The following PRELID2 variants were observed in gnomAD, a reference collection of about 807,000 sequenced individuals.
PRELID2 encodes the protein PRELI domain-containing protein 2.
A neutral mutation model predicts 28.4 loss-of-function variants in PRELID2; 25 were observed. That is an observed-to-expected ratio of 0.88 (90% CI 0.64 to 1.23). The LOEUF is 1.23. PRELID2 is among the 50% of genes most tolerant of loss of function. The probability of loss-of-function intolerance (pLI) is 0.00; values close to 1 mark genes in which losing one functional copy is unlikely to be tolerated. For missense variants in PRELID2, 201 were observed against 214.4 expected, an observed-to-expected ratio of 0.94 and a Z score of 0.39; for synonymous variants, 76 against 71.6, an observed-to-expected ratio of 1.06 and a Z score of -0.31.
intron 1 of PRELID2, among the ~76,000 whole-genome samples, chr5:145,548,027 T>G (rs1010031892): frequency 3.9e-5 from 6 of 152,154 alleles, no homozygotes; most frequent in African/African-American, 1.4e-4. Context: ...GTATAATGAC[T>G]CCCTTGCAGC....
At chr5:145,525,700 A>G (rs982439364) in intron 1 of PRELID2, among the ~76,000 whole-genome samples, 5 of 152,168 alleles carry the variant, frequency 3.3e-5, no homozygotes, top group Non-Finnish European at 7.3e-5. Context: ...GATTCGGTTT[A>G]CTCTCAATGA....
chr5:145,647,396 T>C (rs1373111700), intron 1 of PRELID2, among the ~76,000 whole-genome samples: 1 of 152,134 alleles, frequency 6.6e-6, no homozygotes, highest in South Asian at 2.1e-4. Context: ...CCCAGTTTGA[T>C]CTCAGACTGC....
chr5:145,565,046 C>T (rs563255111), intron 1 of PRELID2, among the ~76,000 whole-genome samples: 45 of 152,338 alleles, frequency 3.0e-4, no homozygotes, highest in African/African-American at 1.0e-3. Context: ...AGAAATCACC[C>T]GCCTTCTGTG....
chr5:145,344,818 A>G, the PRELID2 span, among the ~76,000 whole-genome samples: 1 of 152,086 alleles, frequency 6.6e-6, no homozygotes, highest in Non-Finnish European at 1.5e-5. Flanking sequence ...ATATTTATTA[A>G]GCACTTATGT....
At chr5:145,396,840 A>G in the PRELID2 span, among the ~76,000 whole-genome samples, 1 of 151,700 alleles carries the variant, frequency 6.6e-6, no homozygotes, top group Non-Finnish European at 1.5e-5. Context: ...TACTAAGGTG[A>G]AGAGAAGCAG....
At chr5:145,236,595 C>A in the PRELID2 span, among the ~76,000 whole-genome samples, 17 of 152,122 alleles carry the variant, frequency 1.1e-4, no homozygotes, top group African/African-American at 3.4e-4. Context: ...CTTATTTTCC[C>A]AAGTGCAGAA....
At chr5:145,263,465 ATAAAT>A in the PRELID2 span, among the ~76,000 whole-genome samples, 14 of 149,976 alleles carry the variant, frequency 9.3e-5, no homozygotes, top group Admixed American at 9.2e-4. Flanking sequence ...ATTTAAGAAA[ATAAAT>A]TAAAACAAAA....
chr5:145,252,954 A>AT, the PRELID2 span, among the ~76,000 whole-genome samples: 1 of 152,286 alleles, frequency 6.6e-6, no homozygotes, highest in African/African-American at 2.4e-5. Context: ...TTTAAAAAAC[A>AT]TTTTTTGAGG....
At chr5:145,610,492 G>C (rs1753598263) in intron 1 of PRELID2, among the ~76,000 whole-genome samples, 1 of 151,972 alleles carries the variant, frequency 6.6e-6, no homozygotes, top group Non-Finnish European at 1.5e-5. Flanking sequence ...TTCAAAATAA[G>C]TATGTAGAAC....
At chr5:145,344,239 G>C in the PRELID2 span, among the ~76,000 whole-genome samples, 1 of 151,916 alleles carries the variant, frequency 6.6e-6, no homozygotes, top group Non-Finnish European at 1.5e-5. Context: ...GATGAATATA[G>C]ATGCAAAAAT....
chr5:145,622,958 G>T (rs184891674), intron 1 of PRELID2, among the ~76,000 whole-genome samples: 1 of 151,588 alleles, frequency 6.6e-6, no homozygotes, highest in Admixed American at 6.6e-5. Flanking sequence ...AGTAATAAAA[G>T]GTTAAATCAC....
chr5:145,269,223 C>A, the PRELID2 span, among the ~76,000 whole-genome samples: 1 of 152,118 alleles, frequency 6.6e-6, no homozygotes, highest in African/African-American at 2.4e-5. Flanking sequence ...CCAAAGAATT[C>A]TTTAAAATAA....
chr5:145,741,417 A>AAATT (rs1756736046), intron 1 of PRELID2, among the ~76,000 whole-genome samples: 2 of 112,718 alleles, frequency 1.8e-5, no homozygotes, highest in Non-Finnish European at 3.3e-5. Flanking sequence ...ATTTATTTAT[A>AAATT]ATTTATTTAT....
At chr5:145,315,700 A>T in the PRELID2 span, among the ~76,000 whole-genome samples, 1 of 152,108 alleles carries the variant, frequency 6.6e-6, no homozygotes, top group East Asian at 1.9e-4. Flanking sequence ...GAAACAATGA[A>T]GATACTAATG....
chr5:145,384,743 G>A, the PRELID2 span, among the ~76,000 whole-genome samples: 16 of 152,116 alleles, frequency 1.1e-4, no homozygotes, highest in African/African-American at 3.4e-4. Flanking sequence ...GGTGAAGTAG[G>A]ATTTTGCATG....
At chr5:145,722,883 G>A (rs1756030857) in intron 1 of PRELID2, among the ~76,000 whole-genome samples, 1 of 152,024 alleles carries the variant, frequency 6.6e-6, no homozygotes, top group Non-Finnish European at 1.5e-5. Context: ...AACTTTTATA[G>A]AAAAAACATT....
At chr5:145,244,844 A>C in the PRELID2 span, among the ~76,000 whole-genome samples, 3 of 152,242 alleles carry the variant, frequency 2.0e-5, no homozygotes, top group African/African-American at 7.2e-5. Context: ...AATTTTGCCT[A>C]TCCACAGTTC....
chr5:145,309,704 G>A, the PRELID2 span, among the ~76,000 whole-genome samples: 1 of 152,052 alleles, frequency 6.6e-6, no homozygotes, highest in Admixed American at 6.5e-5. Flanking sequence ...ACTACTCTAT[G>A]GAGTCCATGT....
At chr5:145,433,824 A>G in the PRELID2 span, among the ~76,000 whole-genome samples, 2 of 152,126 alleles carry the variant, frequency 1.3e-5, no homozygotes, top group South Asian at 2.1e-4. Context: ...TCCTGCTGGT[A>G]CTGTATCTAT....
Sources: gnomAD v4.1 joint callset for allele counts (sites outside exome capture counted in the v4.1 genomes callset) on GRCh38, gnomAD v4.1.1 for gene constraint, MANE v1.5 for transcripts, NCBI Gene and HGNC (gene_info 2026-07-23, HGNC 2026-07-21) for gene names.